Variants in RIC3 observed in about 807,000 individuals in gnomAD.
RIC3 encodes the protein protein RIC-3.
RIC3 carries 28 observed loss-of-function variants against 27.3 expected under a neutral mutation model. The ratio of observed to expected loss-of-function variants is 1.02; its 90% CI spans 0.76 to 1.41. RIC3 has a LOEUF of 1.41. Among genes scored for constraint, RIC3 ranks in the 40% most tolerant of loss-of-function variants. The probability of loss-of-function intolerance (pLI) is 0.00; values close to 1 mark genes in which losing one functional copy is unlikely to be tolerated. For synonymous variants in RIC3, 184 were observed against 160.4 expected, an observed-to-expected ratio of 1.15 and a Z score of -1.11; for missense variants, 501 against 444.7, an observed-to-expected ratio of 1.13 and a Z score of -1.14.
At position 8,110,400 on chromosome 11, in the gene RIC3, G is replaced by A. The variant is rs1945106419; in HGVS notation, c.*298C>T. Reference sequence around the variant, plus strand: ...AAGAGTCAGACCTTTGCCCCTGAGTGGTCCCATCTGTAATTACAATAGACC... The same window carrying A: ...AAGAGTCAGACCTTTGCCCCTGAGTAGTCCCATCTGTAATTACAATAGACC... On this transcript the variant is annotated 3_prime_UTR_variant, in exon 6 of 6. Coordinates refer to ENST00000309737, the MANE Select transcript of RIC3 (RefSeq NM_001206671.4). 3 of 461,206 alleles carry A rather than the reference G, an allele frequency of 6.5e-6. No individual in the cohort carries two copies. The highest frequency in any genetic ancestry group is 1.2e-5 in the Non-Finnish European group (3 of 249,330). The allele number at this position is 461,206 out of a possible 1,614,324, so 28.6% of individuals were successfully genotyped here.
chr11:8,111,623 A>G (rs1945273783), intron 5 of RIC3, among the ~76,000 whole-genome samples: 1 of 152,204 alleles, frequency 6.6e-6, no homozygotes, highest in African/African-American at 2.4e-5. Context: ...TATTTATCCA[A>G]ACAATTGAAA....
the RIC3 span, chr11:8,097,167 AC>A: frequency 6.3e-7 from 1 of 1,582,580 alleles, no homozygotes; most frequent in African/African-American, 1.3e-5. Flanking sequence ...TGGATCCCAG[AC>A]CACCAATTTG....
At chr11:8,138,419 C>CA (rs879118819) in intron 2 of RIC3, 72 bp from the exon 3 acceptor site, 7,959 of 588,892 alleles carry the variant, frequency 0.014, 28 homozygotes, top group Admixed American at 0.077. Context: ...TCATATCAAA[C>CA]AAAAAAAAAA....
At chr11:8,101,647 C>T (rs370735957), downstream of RIC3, 22 of 1,612,600 alleles carry the variant, frequency 1.4e-5, no homozygotes, top group African/African-American at 1.9e-4. Flanking sequence ...TTGGGGTTGC[C>T]CAGCCTGGAG....
At chr11:8,097,100 C>T in the RIC3 span, 6 of 1,072,116 alleles carry the variant, frequency 5.6e-6, no homozygotes, top group African/African-American at 6.3e-5. Flanking sequence ...CCAGGCTGGC[C>T]AGGCCCCAAT....
At chr11:8,100,869 A>G in the RIC3 span, 2 of 1,614,144 alleles carry the variant, frequency 1.2e-6, no homozygotes, top group South Asian at 1.1e-5. Context: ...AAGAACACGG[A>G]GAGTATCATC....
At chr11:8,161,148 G>C (rs769521918) in intron 1 of RIC3, among the ~76,000 whole-genome samples, 3 of 152,160 alleles carry the variant, frequency 2.0e-5, no homozygotes, top group Non-Finnish European at 4.4e-5. Context: ...TTCATCTGGT[G>C]CTCAGTAAAT....
chr11:8,148,478 T>C (rs920722818), intron 1 of RIC3, among the ~76,000 whole-genome samples: 2 of 152,222 alleles, frequency 1.3e-5, no homozygotes, highest in African/African-American at 4.8e-5. Flanking sequence ...ATATTTGTAG[T>C]ATTATGTTGT....
At chr11:8,155,036 T>C (rs946733446) in intron 1 of RIC3, among the ~76,000 whole-genome samples, 3 of 151,946 alleles carry the variant, frequency 2.0e-5, no homozygotes, top group Admixed American at 1.3e-4. Context: ...CTGGGCAAGA[T>C]GGCAAGACCT....
the RIC3 span, among the ~76,000 whole-genome samples, chr11:8,099,462 C>G: frequency 6.6e-6 from 1 of 152,124 alleles, no homozygotes; most frequent in Non-Finnish European, 1.5e-5. Context: ...AGTAAGTAAT[C>G]CACAGCTACT....
chr11:8,169,017 ACG>A lies in RIC3; in HGVS notation c.-30_-29del. ...CTGCTCACGGTGGTCGCAGGTGCAGACGCCAGCCGGAACCGGAACCGGAACCG... is the reference window on the plus strand; with the variant it reads ...CTGCTCACGGTGGTCGCAGGTGCAGACCAGCCGGAACCGGAACCGGAACCG... On this transcript the variant is annotated 5_prime_UTR_variant, in exon 1 of 6. Transcript: ENST00000309737. 6.7e-7 allele frequency: 1 copy of A among 1,501,388 alleles called. No individual in the cohort carries two copies. The highest frequency in any genetic ancestry group is 8.8e-7 in the Non-Finnish European group (1 of 1,131,604). The allele number at this position is 1,501,388 out of a possible 1,614,324, so 93.0% of individuals were successfully genotyped here. A position where few individuals can be genotyped will look rare whatever the true frequency, so the allele number is the denominator to read the frequency against.
At chr11:8,133,931 G>A (rs80023079) in intron 4 of RIC3, among the ~76,000 whole-genome samples, 1 of 151,550 alleles carries the variant, frequency 6.6e-6, no homozygotes, top group African/African-American at 2.4e-5. Flanking sequence ...TCCAGGAGTT[G>A]GGTCTCCCAA....
At chr11:8,123,139 T>A (rs1456989015) in intron 5 of RIC3, among the ~76,000 whole-genome samples, 2 of 150,936 alleles carry the variant, frequency 1.3e-5, no homozygotes, top group African/African-American at 4.9e-5. Context: ...GAAGAAGACA[T>A]CAATAAACCT....
chr11:8,152,895 C>T (rs1463335395), intron 1 of RIC3, among the ~76,000 whole-genome samples: 1 of 152,020 alleles, frequency 6.6e-6, no homozygotes, highest in Non-Finnish European at 1.5e-5. Context: ...CTCTACACAG[C>T]TCTGACTGAT....
chr11:8,122,134 G>A (rs1311889752), intron 5 of RIC3, among the ~76,000 whole-genome samples: 1 of 152,070 alleles, frequency 6.6e-6, no homozygotes, highest in Admixed American at 6.6e-5. Flanking sequence ...TAGCAAAACT[G>A]TACTACAATA....
intron 1 of RIC3, among the ~76,000 whole-genome samples, chr11:8,147,713 A>G (rs1949840112): frequency 6.6e-6 from 1 of 150,902 alleles, no homozygotes; most frequent in Admixed American, 6.6e-5. Flanking sequence ...GTTAGGTAGA[A>G]CTTGCGTAAG....
chr11:8,168,364 C>A (rs1951924405), intron 1 of RIC3, among the ~76,000 whole-genome samples: 1 of 152,120 alleles, frequency 6.6e-6, no homozygotes, highest in Non-Finnish European at 1.5e-5. Context: ...TTTAAAGGCA[C>A]AAGAAGAGCC....
intron 1 of RIC3, 22 bp from the exon 2 acceptor site, chr11:8,140,215 T>A: frequency 6.3e-7 from 1 of 1,599,926 alleles, no homozygotes; most frequent in Non-Finnish European, 8.5e-7. Flanking sequence ...ATAATCACTT[T>A]TTATCTCTTC....
rs1948890019 is a variant in RIC3, at chr11:8,140,163, T to C, written c.155A>G (p.His52Arg). 3.1e-6 allele frequency: 5 copies of C among 1,613,998 alleles called. No homozygotes were observed. Among genetic ancestry groups the C allele is most frequent in the Non-Finnish European group, 4.2e-6 (5 of 1,179,996 alleles). ...GKLGRFPPMM[H>R]HHQAPSDGQT... is the part of the protein sequence containing the mutation. The stretch of plus-strand genomic sequence containing the variant: ...GCCATCTGAGGGTGCCTGGTGATGA[T>C]GCATCATAGGTGGAAATCGGCCCAA... Residue 52 changes from histidine (H) to arginine (R), a missense_variant, in exon 2 of 6, where the codon CAT (histidine) becomes CGT (arginine). Coordinates refer to ENST00000309737, the MANE Select transcript of RIC3 (RefSeq NM_001206671.4).
Sources: allele counts gnomAD v4.1 joint callset (sites outside exome capture counted in the v4.1 genomes callset), GRCh38; gene constraint gnomAD v4.1.1; transcripts MANE v1.5; gene names NCBI Gene and HGNC (gene_info 2026-07-23, HGNC 2026-07-21).